The following SLC12A3 variants were observed in gnomAD, a reference collection of about 807,000 sequenced individuals.
SLC12A3 encodes the protein solute carrier family 12 member 3, also known as Na-Cl cotransporter.
A neutral mutation model predicts 121.0 loss-of-function variants in SLC12A3; 104 were observed. The observed-to-expected ratio is 0.86, with a 90% CI of 0.73 to 1.01. SLC12A3 has a LOEUF of 1.01. SLC12A3 is among the 50% of genes least tolerant of loss of function. SLC12A3 has a pLI of 0.00. For missense variants in SLC12A3, 1,328 were observed against 1,356.3 expected, an observed-to-expected ratio of 0.98 and a Z score of 0.33; for synonymous variants, 536 against 533.4, an observed-to-expected ratio of 1.00 and a Z score of -0.07.
At position 56,884,195 on chromosome 16, in the gene SLC12A3, A is replaced by G; in HGVS notation, c.1816A>G (p.Lys606Glu). The change falls in exon 14 of 26, where the codon AAG becomes GAG. Residue 606 changes from lysine (K) to glutamate (E), a missense_variant. By Grantham distance (56) the Lys-to-Glu change is moderately conservative. Coordinates refer to ENST00000563236, the MANE Select transcript of SLC12A3 (RefSeq NM_001126108.2). ...CTTCCTCCTGCTCTATGTCATCTAC[A>G]AGAAGCCAGGTGCGCATCTCAGCTG... ...VLFLLLYVIY[K>E]KPEVNWGSSV... is the part of the protein sequence containing the mutation. The G allele has an allele frequency of 6.2e-7, 1 of 1,613,998 alleles. No individual in the cohort carries two copies. The highest frequency in any genetic ancestry group is 8.5e-7 in the Non-Finnish European group (1 of 1,179,956).
chr16:56,867,570 C>T (rs771452541), intron 2 of SLC12A3, among the ~76,000 whole-genome samples: 19 of 152,202 alleles, frequency 1.2e-4, no homozygotes, highest in Non-Finnish European at 1.2e-4. Context: ...CATTATGGGA[C>T]TTTACAGAGG....
chr16:56,902,345 C>T (rs748190050), intron 23 of SLC12A3, 28 bp from the exon 24 acceptor site: 12 of 1,613,828 alleles, frequency 7.4e-6, no homozygotes, highest in Middle Eastern at 1.6e-4. Flanking sequence ...TCGTCTCAGC[C>T]GGCCTCAACC....
intron 25 of SLC12A3, among the ~76,000 whole-genome samples, chr16:56,909,469 A>G (rs1313330869): frequency 1.4e-5 from 1 of 69,772 alleles, no homozygotes; most frequent in African/African-American, 6.0e-5. Flanking sequence ...TCCCCCACCC[A>G]CCAGCCTTTG....
chr16:56,901,496 C>T lies in SLC12A3; in HGVS notation c.2721-877C>T, dbSNP rs143059965. ...CTGGGATTACAGGTGTGTGCCACCA[C>T]ACCCAGCTAATTTTTGTATTTTTAG... On this transcript the variant is annotated intron_variant, in intron 23 of 25. Transcript: ENST00000563236. Among the ~76,000 whole-genome samples, 775 of 152,228 alleles carry T rather than the reference C, an allele frequency of 5.1e-3. 13 individuals carry two copies. Among genetic ancestry groups the T allele is most frequent in the African/African-American group, 0.018 (734 of 41,530 alleles).
At chr16:56,890,514 A>G (rs1226361672) in intron 19 of SLC12A3, among the ~76,000 whole-genome samples, 158 bp downstream of exon 19, 1 of 152,226 alleles carries the variant, frequency 6.6e-6, no homozygotes, top group Non-Finnish European at 1.5e-5. Context: ...CAGAAAGAGA[A>G]AGCAACGCAT....
At chr16:56,883,952 G>T (rs2055275439) in intron 13 of SLC12A3, 97 bp from the exon 14 acceptor site, 2 of 1,372,864 alleles carry the variant, frequency 1.5e-6, no homozygotes, top group African/African-American at 1.4e-5. Context: ...CCGGCTCTGG[G>T]CACTGCTGGC....
At chr16:56,905,634 G>T (rs11644728) in intron 25 of SLC12A3, among the ~76,000 whole-genome samples, 14,208 of 152,162 alleles carry the variant, frequency 0.093, 800 homozygotes, top group Admixed American at 0.14. Flanking sequence ...TACACAATTT[G>T]CAAGGCCTAG....
chr16:56,866,984 C>A, intron 1 of SLC12A3, 86 bp from the exon 2 acceptor site: 1 of 1,560,506 alleles, frequency 6.4e-7, no homozygotes, highest in Non-Finnish European at 8.7e-7. Flanking sequence ...CGGTATGGGG[C>A]GCAGTGGTGC....
intron 24 of SLC12A3, among the ~76,000 whole-genome samples, chr16:56,903,148 CAAAA>C (rs34955209): frequency 1.7e-5 from 2 of 119,144 alleles, no homozygotes; most frequent in Non-Finnish European, 1.8e-5. Flanking sequence ...GACTCCGTCT[CAAAA>C]AAAAAAAAAA....
chr16:56,894,873 G>C (rs1213516485), intron 22 of SLC12A3, among the ~76,000 whole-genome samples: 1 of 152,132 alleles, frequency 6.6e-6, no homozygotes, highest in Non-Finnish European at 1.5e-5. Flanking sequence ...AATAAATGCA[G>C]ATGCCCTAGG....
chr16:56,908,583 A>C (rs1475040411), intron 25 of SLC12A3, among the ~76,000 whole-genome samples: 2 of 152,224 alleles, frequency 1.3e-5, no homozygotes, highest in Non-Finnish European at 2.9e-5. Context: ...TTAGATAAAC[A>C]AGGGACCCTC....
chr16:56,892,941 C>A lies in SLC12A3; in HGVS notation c.2420-12C>A. On this transcript the variant is annotated splice_polypyrimidine_tract_variant and intron_variant, in intron 20 of 25. Transcript: ENST00000563236. The stretch of plus-strand genomic sequence containing the variant: ...TGCTGGCTCTGCTCTGACCCGCCCC[C>A]ACCTCCTGCAGTGGACCCCAAGGCC... 6.2e-7 allele frequency: 1 copy of A among 1,612,032 alleles called. No individual in the cohort carries two copies. Among genetic ancestry groups the A allele is most frequent in the South Asian group, 1.1e-5 (1 of 90,952 alleles).
Position 56,911,095 on chromosome 16 carries a change from C to T in SLC12A3, c.2925-2169C>T, listed in dbSNP as rs1253228887. Among the ~76,000 whole-genome samples, 6 of 152,212 alleles carry T rather than the reference C, an allele frequency of 3.9e-5. No individual in the cohort carries two copies. The East Asian group carries it at 5.8e-4, about 15-fold the overall frequency. ...CCCATGGTGCAGGCACCATTTCTCTCGTGGCCTTTGAAGTTTCTGAATTCA... is the reference window on the plus strand; with the variant it reads ...CCCATGGTGCAGGCACCATTTCTCTTGTGGCCTTTGAAGTTTCTGAATTCA... On this transcript the variant is annotated intron_variant, in intron 25 of 25. Transcript: ENST00000563236.
chr16:56,889,766 C>T (rs1207151992), intron 18 of SLC12A3, among the ~76,000 whole-genome samples: 5 of 152,118 alleles, frequency 3.3e-5, no homozygotes, highest in Admixed American at 6.6e-5. Flanking sequence ...TAAACCACTG[C>T]GCCCGGCCTC....
At chr16:56,899,489 A>G in intron 22 of SLC12A3, 41 bp from the exon 23 acceptor site, 1 of 1,494,844 alleles carries the variant, frequency 6.7e-7, no homozygotes, top group Non-Finnish European at 9.3e-7. Flanking sequence ...ACGCTGTCTC[A>G]AGAAAAAGTA....
chr16:56,872,247 G>A lies in SLC12A3; in HGVS notation c.853-104G>A, dbSNP rs1039268849. 48 of 772,208 alleles carry A rather than the reference G, an allele frequency of 6.2e-5. No homozygotes were observed. The African/African-American group carries it at 7.8e-4, about 13-fold the overall frequency. The allele number at this position is 772,208 out of a possible 1,614,324, so 47.8% of individuals were successfully genotyped here. ...TAATGGGTGTTGAATGAATGAGTGA[G>A]TGAATAATGGAGAAACGGGCCCTGG... On this transcript the variant is annotated intron_variant, in intron 6 of 25. Transcript: ENST00000563236.
rs1170745382 is a variant in SLC12A3, at chr16:56,890,158, C to A, written c.2286-116C>A. 38 of 793,660 alleles carry A rather than the reference C, an allele frequency of 4.8e-5. No individual in the cohort carries two copies. The East Asian group carries it at 9.4e-4, about 20-fold the overall frequency. 49.2% of individuals were successfully genotyped at this position (793,660 alleles called of 1,614,324 possible). On this transcript the variant is annotated intron_variant, in intron 18 of 25. Coordinates refer to ENST00000563236, the MANE Select transcript of SLC12A3 (RefSeq NM_001126108.2). ...GATGGGGAAACTGAGGCCCAGAGAA[C>A]AGAAAGGGCGTGGTAGGAAGCAGAG... is the stretch of plus-strand genomic sequence containing the variant.
chr16:56,892,854 C>T (rs1163270677), intron 20 of SLC12A3, 99 bp from the exon 21 acceptor site: 8 of 897,108 alleles, frequency 8.9e-6, no homozygotes, highest in East Asian at 7.8e-5. Context: ...CCAGAGAACC[C>T]GTGTTCAACA....
At chr16:56,907,267 C>A (rs1167996322) in intron 25 of SLC12A3, among the ~76,000 whole-genome samples, 1 of 152,144 alleles carries the variant, frequency 6.6e-6, no homozygotes, top group Non-Finnish European at 1.5e-5. Flanking sequence ...ACCGGCCTGG[C>A]CAACATGGTG....
Sources: gnomAD v4.1 joint callset for allele counts (sites outside exome capture counted in the v4.1 genomes callset) on GRCh38, gnomAD v4.1.1 for gene constraint, MANE v1.5 for transcripts, NCBI Gene and HGNC (gene_info 2026-07-23, HGNC 2026-07-21) for gene names.